TMEM63A: variants seen among roughly 807,000 people sequenced by gnomAD.
TMEM63A encodes transmembrane protein 63A.
In TMEM63A, 76 loss-of-function variants were observed where a neutral mutation model predicts 100.6. That is an observed-to-expected ratio of 0.76 (90% confidence interval 0.63 to 0.91). The LOEUF (loss-of-function observed/expected upper bound fraction) is 0.91, where lower values mean the gene tolerates loss of function less well. Among genes scored for constraint, TMEM63A ranks in the 40% least tolerant of loss-of-function variants. The pLI is 0.00. For missense variants in TMEM63A, 876 were observed against 1,008.8 expected (o/e 0.87, Z 1.78); for synonymous variants, 401 against 401.1 (o/e 1.00, Z 0.00).
chr1:225,881,185 G>A (rs1671068965), intron 1 of TMEM63A, among the ~76,000 whole-genome samples: 1 of 152,234 alleles, frequency 6.6e-6, no homozygotes, highest in Non-Finnish European at 1.5e-5. Context: ...TGAAACCAGA[G>A]GCAGTGTGGC....
At chr1:225,845,448 C>A, downstream of TMEM63A, 1 of 1,300,750 alleles carries the variant, frequency 7.7e-7, no homozygotes, top group Non-Finnish European at 1.1e-6. Context: ...TGCCTCCGTC[C>A]CCTGCCCATG....
At chr1:225,864,672 T>TA (rs1374492724) in intron 10 of TMEM63A, 3 of 152,244 alleles carry the variant, frequency 2.0e-5, no homozygotes, top group African/African-American at 2.4e-5. Flanking sequence ...CTAAAATACT[T>TA]AGAGTTTCTG....
At chr1:225,857,467 C>T (rs1211977836) in intron 15 of TMEM63A, among the ~76,000 whole-genome samples, 1 of 150,768 alleles carries the variant, frequency 6.6e-6, no homozygotes, top group Non-Finnish European at 1.5e-5. Context: ...GTCCACAATC[C>T]TGCTGTTTGT....
intron 15 of TMEM63A, 75 bp downstream of exon 15, chr1:225,859,119 TCC>T: frequency 6.3e-7 from 1 of 1,597,982 alleles, no homozygotes; most frequent in Non-Finnish European, 8.5e-7. Context: ...CCCACTCCTG[TCC>T]CCACTCCTTC....
intron 20 of TMEM63A, 38 bp from the exon 21 acceptor site, chr1:225,850,117 G>T (rs1463887196): frequency 1.2e-6 from 2 of 1,609,420 alleles, no homozygotes; most frequent in African/African-American, 2.7e-5. Context: ...GACCTCGCAG[G>T]GCCACACAGA....
chr1:225,851,297 T>G (rs911304225), intron 20 of TMEM63A, among the ~76,000 whole-genome samples: 1 of 152,096 alleles, frequency 6.6e-6, no homozygotes, highest in Non-Finnish European at 1.5e-5. Context: ...ACCCCAGGGG[T>G]GGCACAGGAG....
At position 225,849,000 on chromosome 1, in the gene TMEM63A, G is replaced by A. The variant is rs750992101; in HGVS notation, c.2084C>T (p.Pro695Leu). Residue 695 changes from proline to leucine, a missense_variant, in exon 22 of 25, where the codon CCC becomes CTC. Pro to Leu is a moderately conservative substitution (Grantham distance 98). This residue lies in a region of TMEM63A where 339 missense variants were observed against 342.3 expected (regional missense o/e 0.99). Coordinates refer to ENST00000366835, the MANE Select transcript of TMEM63A (RefSeq NM_014698.3). Reference sequence around the variant, plus strand: ...CACCAGGAAGGTGAACAGAGTGGCGGGGGCCTTCATACCTGGTGATAGAGG... The same window carrying A: ...CACCAGGAAGGTGAACAGAGTGGCGAGGGCCTTCATACCTGGTGATAGAGG... ...FSFLRLGMKA[P>L]ATLFTFLVLL... 6.3e-7 allele frequency: 1 copy of A among 1,586,120 alleles called. No individual in the cohort carries two copies. The highest frequency in any genetic ancestry group is 8.6e-7 in the Non-Finnish European group (1 of 1,166,798).
intron 19 of TMEM63A, 139 bp from the exon 20 acceptor site, chr1:225,852,908 T>A: frequency 1.4e-6 from 1 of 707,408 alleles, no homozygotes; most frequent in Admixed American, 2.1e-5. Context: ...CCTCCCAAGG[T>A]CCTTCCCATC....
intron 2 of TMEM63A, among the ~76,000 whole-genome samples, chr1:225,878,163 G>C (rs1415250577): frequency 6.6e-6 from 1 of 152,132 alleles, no homozygotes; most frequent in East Asian, 1.9e-4. Context: ...CTCAGAGATG[G>C]GTCCATCTGC....
intron 3 of TMEM63A, among the ~76,000 whole-genome samples, chr1:225,874,726 G>A (rs1027234746): frequency 6.6e-6 from 1 of 152,252 alleles, no homozygotes; most frequent in African/African-American, 2.4e-5. Flanking sequence ...GTGGCCCCGA[G>A]CAGGAGGGTA....
At chr1:225,858,948 ATGTGTGTGTGTG>A (rs57543496) in intron 15 of TMEM63A, among the ~76,000 whole-genome samples, 17,711 of 139,712 alleles carry the variant, frequency 0.13, 1,121 homozygotes, top group Middle Eastern at 0.19. Context: ...TATACATATA[ATGTGTGTGTGTG>A]TGTGTGTGTG....
At chr1:225,878,077 A>G (rs1397798380) in intron 2 of TMEM63A, among the ~76,000 whole-genome samples, 1 of 152,166 alleles carries the variant, frequency 6.6e-6, no homozygotes, top group Non-Finnish European at 1.5e-5. Context: ...GGAACATCCA[A>G]GTATTCACGA....
chr1:225,859,706 T>G, intron 14 of TMEM63A: 1 of 240,846 alleles, frequency 4.2e-6, no homozygotes, highest in Non-Finnish European at 8.1e-6. Context: ...AGTGCAGTGG[T>G]GTGATCTCGG....
intron 21 of TMEM63A, 152 bp downstream of exon 21, chr1:225,849,760 C>T (rs1669229477): frequency 1.0e-6 from 1 of 975,574 alleles, no homozygotes; most frequent in Non-Finnish European, 1.5e-6. Context: ...GTACCACGTT[C>T]TGATGGGACA....
intron 14 of TMEM63A, chr1:225,859,831 G>C (rs1317323312): frequency 1.2e-5 from 2 of 163,712 alleles, no homozygotes; most frequent in Non-Finnish European, 2.7e-5. Flanking sequence ...ATTTTTAGTA[G>C]AGACAGGGTT....
In TMEM63A at chr1:225,853,774, TC is replaced by T. The variant is rs1348008423; in HGVS notation, c.1651del (p.Asp551ThrfsTer7). On this transcript the variant is annotated frameshift_variant, in exon 19 of 25. Transcript: ENST00000366835. LOFTEE classifies it high-confidence loss of function. This position sits in a 1 kb window ranked among gnomAD's most constrained non-coding sequence, Gnocchi z 4.0. ...SIRLECVFLPDQGAFFVNYVI... is the reference protein window; with the variant it reads ...SIRLECVFLPXQGAFFVNYVI... ...ATAGTTCACAAAGAAGGCACCCTGG[TC>T]AGGCAGGAAGACGCACCTGGGGAAA... is the stretch of plus-strand genomic sequence containing the variant. 6.2e-7 allele frequency: 1 copy of T among 1,606,442 alleles called. No individual in the cohort carries two copies. The highest frequency in any genetic ancestry group is 1.1e-5 in the South Asian group (1 of 89,570).
rs773650277 is a variant in TMEM63A, at chr1:225,867,891, G to T, written c.511C>A (p.Leu171Met). The change falls in exon 7 of 25, where the codon CTG (leucine) becomes ATG (methionine). Residue 171 changes from leucine to methionine, a missense_variant. By Grantham distance (15) the Leu-to-Met change is conservative. Coordinates refer to ENST00000366835, the MANE Select transcript of TMEM63A (RefSeq NM_014698.3). The surrounding 1 kb of genome is among the most constrained non-coding windows in gnomAD (Gnocchi z 4.6). ...ILPVNLSGDL[L>M]DKDPYSFGRT... is the part of the protein sequence containing the mutation. ...CAAGGGTGAGGAGGGTCATTACCCA[G>T]CAAGTCCCCTGAGAGGTTGACAGGC... 6.2e-7 allele frequency: 1 copy of T among 1,613,990 alleles called. No individual in the cohort carries two copies.
At chr1:225,845,040 G>GT (rs1668824355), downstream of TMEM63A, 2 of 1,195,840 alleles carry the variant, frequency 1.7e-6, no homozygotes, top group East Asian at 4.7e-5. Flanking sequence ...GGCTCCTTGT[G>GT]GGTGGGCCAG....
intron 3 of TMEM63A, among the ~76,000 whole-genome samples, chr1:225,876,208 A>G (rs1576117245): frequency 6.7e-6 from 1 of 148,492 alleles, no homozygotes; most frequent in East Asian, 2.0e-4. Context: ...CCCTCTCTGT[A>G]CTCCTCACCT....
Sources: gnomAD v4.1 joint callset for allele counts (sites outside exome capture counted in the v4.1 genomes callset) on GRCh38, gnomAD v4.1.1 for gene constraint, gnomAD v4.1.1 regional missense constraint, Gnocchi (gnomAD v3.1) non-coding constraint, MANE v1.5 for transcripts, NCBI Gene and HGNC (gene_info 2026-07-23, HGNC 2026-07-21) for gene names.